Variants in TBC1D10A observed in about 807,000 individuals in gnomAD.
TBC1D10A encodes TBC1 domain family member 10A.
A neutral mutation model predicts 52.9 loss-of-function variants in TBC1D10A; 24 were observed. The observed-to-expected ratio is 0.45, with a 90% CI of 0.33 to 0.64. The LOEUF is 0.64. TBC1D10A is among the 30% of genes least tolerant of loss of function. The pLI is 0.02. For synonymous variants in TBC1D10A, 278 were observed against 282.9 expected (o/e 0.98, Z 0.17); for missense variants, 602 against 687.9 (o/e 0.88, Z 1.40).
At chr22:30,308,197 T>G (rs375547612) in intron 1 of TBC1D10A, among the ~76,000 whole-genome samples, 6 of 151,710 alleles carry the variant, frequency 4.0e-5, no homozygotes, top group Admixed American at 2.0e-4. Context: ...AACCCAGGCC[T>G]GACTGACTCT....
intron 8 of TBC1D10A, 69 bp from the exon 9 acceptor site, chr22:30,292,920 G>A: frequency 6.4e-7 from 1 of 1,555,758 alleles, no homozygotes; most frequent in East Asian, 2.2e-5. Flanking sequence ...CTCCCAGCCT[G>A]GGCCCCCAGT....
chr22:30,308,059 G>C (rs1276588322), intron 1 of TBC1D10A, among the ~76,000 whole-genome samples: 1 of 152,210 alleles, frequency 6.6e-6, no homozygotes. Flanking sequence ...GCCTCCTGAA[G>C]TGTTGGGATT....
chr22:30,302,552 A>G (rs1245761050), intron 2 of TBC1D10A, among the ~76,000 whole-genome samples: 1 of 152,208 alleles, frequency 6.6e-6, no homozygotes, highest in Non-Finnish European at 1.5e-5. Context: ...GGAGAACTCA[A>G]GCCTCCACAG....
At chr22:30,315,413 G>A (rs1359104523) in intron 1 of TBC1D10A, among the ~76,000 whole-genome samples, 1 of 152,018 alleles carries the variant, frequency 6.6e-6, no homozygotes, top group African/African-American at 2.4e-5. Flanking sequence ...CAATGCCACC[G>A]CCACACCCAG....
At chr22:30,324,247 G>A (rs528555773) in intron 1 of TBC1D10A, among the ~76,000 whole-genome samples, 7 of 152,270 alleles carry the variant, frequency 4.6e-5, no homozygotes, top group East Asian at 1.9e-4. Context: ...CTTCAACCAC[G>A]AGACTGGGTT....
chr22:30,322,884 AGCACC>A (rs1172590169), intron 1 of TBC1D10A, among the ~76,000 whole-genome samples: 1 of 137,566 alleles, frequency 7.3e-6, no homozygotes, highest in Non-Finnish European at 1.6e-5. Flanking sequence ...CGTGAGGCAC[AGCACC>A]TAGTCTTTTT....
chr22:30,320,989 G>A (rs577452502), intron 1 of TBC1D10A, among the ~76,000 whole-genome samples: 64 of 152,370 alleles, frequency 4.2e-4, no homozygotes, highest in Admixed American at 6.5e-4. Context: ...GCCACAGCCA[G>A]GCCTCACTGC....
At chr22:30,315,645 C>T (rs902920166) in intron 1 of TBC1D10A, among the ~76,000 whole-genome samples, 1 of 152,138 alleles carries the variant, frequency 6.6e-6, no homozygotes, top group South Asian at 2.1e-4. Context: ...CGCGGAAGAT[C>T]GCTTCTGGAC....
chr22:30,302,426 G>A (rs150252692), intron 2 of TBC1D10A, among the ~76,000 whole-genome samples: 12 of 152,328 alleles, frequency 7.9e-5, no homozygotes, highest in Admixed American at 2.6e-4. Context: ...GGGAGTCTCC[G>A]GAAAGGAAGG....
intron 6 of TBC1D10A, among the ~76,000 whole-genome samples, chr22:30,294,568 A>G (rs1019632454): frequency 6.6e-6 from 1 of 152,348 alleles, no homozygotes; most frequent in East Asian, 1.9e-4. Context: ...AAGAACTTCA[A>G]TTCTGCAAAG....
rs770122776 is a variant in TBC1D10A, at chr22:30,326,656, C to A, written c.209+17G>T. The A allele has an allele frequency of 1.9e-6, 3 of 1,556,340 alleles. No individual in the cohort carries two copies. The Admixed American group carries it at 5.4e-5, about 28-fold the overall frequency. On this transcript the variant is annotated intron_variant, in intron 1 of 8. Transcript: ENST00000215790. The stretch of plus-strand genomic sequence containing the variant: ...GCGTGGGTGGCGCGCTCAGTCCCGA[C>A]CCCCGGCGCTACTCACGCGCCCTCG...
chr22:30,301,033 G>C (rs1055965879), intron 2 of TBC1D10A, among the ~76,000 whole-genome samples: 13 of 152,172 alleles, frequency 8.5e-5, no homozygotes, highest in Non-Finnish European at 1.8e-4. Context: ...TTGAGGGTAG[G>C]GGAAAATTCG....
chr22:30,295,875 G>C (rs1182758044), intron 3 of TBC1D10A, 32 bp from the exon 4 acceptor site: 1 of 1,588,934 alleles, frequency 6.3e-7, no homozygotes. Flanking sequence ...AGGGGCTGGG[G>C]AGGATGGAGG....
In TBC1D10A at chr22:30,292,529, G is replaced by T. The variant is rs1258899553; in HGVS notation, c.1373C>A (p.Ala458Asp). The T allele has an allele frequency of 1.2e-6, 2 of 1,612,852 alleles. No homozygotes were observed. Among genetic ancestry groups the T allele is most frequent in the South Asian group, 1.1e-5 (1 of 90,910 alleles). Residue 458 changes from alanine (A) to aspartate (D), a missense_variant, in exon 9 of 9, where the codon GCC (alanine) becomes GAC (aspartate). Around this residue, in one of 3 missense-constraint regions of TBC1D10A, gnomAD observed 265 missense variants for 275.1 expected, o/e 0.96. Coordinates refer to ENST00000215790, the MANE Select transcript of TBC1D10A (RefSeq NM_031937.3). ...TGGGGGACATGCATCTCCTGCAGCGGCCACCACCATGGCTTGATTTGGGGC... is the reference window on the plus strand; with the variant it reads ...TGGGGGACATGCATCTCCTGCAGCGTCCACCACCATGGCTTGATTTGGGGC... ...PPAPNQAMVV[A>D]AAGDACPPQH...
chr22:30,294,185 C>CAGGACCA, intron 6 of TBC1D10A, 75 bp from the exon 7 acceptor site: 1 of 1,492,064 alleles, frequency 6.7e-7, no homozygotes, highest in Non-Finnish European at 9.1e-7. Flanking sequence ...CCCCAGCACC[C>CAGGACCA]AGCACCCAGC....
At chr22:30,303,808 A>AACAC (rs368263814) in intron 2 of TBC1D10A, among the ~76,000 whole-genome samples, 132 of 152,268 alleles carry the variant, frequency 8.7e-4, no homozygotes, top group Middle Eastern at 3.4e-3. Context: ...CAAGGATATC[A>AACAC]ACACACACAC....
In TBC1D10A at chr22:30,313,341, A is replaced by ATGTGTGTGTGTGTG. The variant is rs6147586; in HGVS notation, c.210-8725_210-8712dup. 2.4e-3 allele frequency among the ~76,000 whole-genome samples: 332 copies of ATGTGTGTGTGTGTG among 138,100 alleles called. 3 individuals carry two copies. Among genetic ancestry groups the ATGTGTGTGTGTGTG allele is most frequent in the African/African-American group, 8.1e-3 (288 of 35,502 alleles). The allele number at this position is 138,100 out of a possible 152,430, so 90.6% of individuals were successfully genotyped here. A position where few individuals can be genotyped will look rare whatever the true frequency, so the allele number is the denominator to read the frequency against. On this transcript the variant is annotated intron_variant, in intron 1 of 8. Transcript: ENST00000215790. ...CTGATACCTAGCTGGTGCTCAATAA[A>ATGTGTGTGTGTGTG]TGTGTGTGTGTGTGTGTGTGTGTGT...
Position 30,295,026 on chromosome 22 carries a change from G to A in TBC1D10A, c.554C>T (p.Ala185Val), listed in dbSNP as rs1398029161. 5.0e-6 allele frequency: 8 copies of A among 1,613,922 alleles called. No individual in the cohort carries two copies. The Middle Eastern group carries it at 4.9e-4, about 100-fold the overall frequency. The change falls in exon 5 of 9, where the codon GCC becomes GTC. Residue 185 changes from alanine to valine, a missense_variant. Physicochemically the swap from Ala to Val is moderately conservative, Grantham distance 64. Transcript: ENST00000215790. Reference sequence around the variant, plus strand: ...CTCCTCGGGCCGGTACAGCGTGTAGGCCTTCAGCACACGGAATAGGTCCTG... The same window carrying A: ...CTCCTCGGGCCGGTACAGCGTGTAGACCTTCAGCACACGGAATAGGTCCTG... ...GQQDLFRVLK[A>V]YTLYRPEEGY...
chr22:30,314,004 C>T (rs918049097), intron 1 of TBC1D10A, among the ~76,000 whole-genome samples: 1 of 152,126 alleles, frequency 6.6e-6, no homozygotes, highest in Non-Finnish European at 1.5e-5. Flanking sequence ...TTGCTATGCA[C>T]CAGACACTGT....
Sources: allele counts gnomAD v4.1 joint callset (sites outside exome capture counted in the v4.1 genomes callset), GRCh38; gene constraint gnomAD v4.1.1; regional missense constraint gnomAD v4.1.1; transcripts MANE v1.5; gene names NCBI Gene and HGNC (gene_info 2026-07-23, HGNC 2026-07-21).